KIFC2: variants seen among roughly 807,000 people sequenced by gnomAD.
KIFC2 encodes kinesin-like protein KIFC2.
In KIFC2, 94 loss-of-function variants were observed where a neutral mutation model predicts 91.5. The ratio of observed to expected loss-of-function variants is 1.03; its 90% CI spans 0.87 to 1.22. The LOEUF (loss-of-function observed/expected upper bound fraction) is 1.22. Among genes scored for constraint, KIFC2 ranks in the 50% most tolerant of loss-of-function variants. The pLI is 0.00. For missense variants in KIFC2, 1,357 were observed against 1,103.3 expected (o/e 1.23, Z -3.26); for synonymous variants, 729 against 503.9 (o/e 1.45, Z -5.98).
chr8:144,471,721 C>T (rs759896647), intron 12 of KIFC2, among the ~76,000 whole-genome samples: 6 of 152,140 alleles, frequency 3.9e-5, no homozygotes, highest in Non-Finnish European at 7.3e-5. Context: ...CTCATTGTGT[C>T]TTTTCCCTTC....
intron 12 of KIFC2, among the ~76,000 whole-genome samples, chr8:144,470,894 A>G (rs1464966426): frequency 1.3e-5 from 2 of 152,236 alleles, no homozygotes; most frequent in African/African-American, 4.8e-5. Context: ...AGGCACAGGA[A>G]GGCCAATGAG....
At position 144,467,506 on chromosome 8, in the gene KIFC2, G is replaced by T; in HGVS notation, c.491G>T (p.Ser164Ile). ...CCAGGATCCACATCCCAAGAAGAAA[G>T]CCCTTCCCACTTCACCGCAGTCCCA... ...SPDGSTSQEE[S>I]PSHFTAVPGE... The change falls in exon 5 of 18, where the codon AGC becomes ATC. Residue 164 changes from serine (S) to isoleucine (I), a missense_variant. Ser to Ile is a moderately radical substitution (Grantham distance 142). Transcript: ENST00000645548. 6 of 1,583,008 alleles carry T rather than the reference G, an allele frequency of 3.8e-6. No homozygotes were observed. The highest frequency in any genetic ancestry group is 5.1e-6 in the Non-Finnish European group (6 of 1,166,714).
At position 144,472,854 on chromosome 8, in the gene KIFC2, GGCCCGCCGCGGGGAGACCCAGACGGC is replaced by G. The variant is rs1554886129; in HGVS notation, c.1927_1952del (p.Pro643AlafsTer196). 6.5e-7 allele frequency: 1 copy of G among 1,547,006 alleles called. No homozygotes were observed. Among genetic ancestry groups the G allele is most frequent in the Non-Finnish European group, 8.6e-7 (1 of 1,159,288 alleles). ...ACGCGCACGGAAGGCAGGGGCGGCC[GGCCCGCCGCGGGGAGACCCAGACGGC>G]GCCCGGCGCCTGCGGGAGGCCCAGA... On this transcript the variant is annotated frameshift_variant, in exon 17 of 18. Coordinates refer to ENST00000645548, the MANE Select transcript of KIFC2 (RefSeq NM_001369769.2). LOFTEE classifies it high-confidence loss of function.
rs1350621088 is a variant in KIFC2, at chr8:144,466,847, G to A, written c.178+9G>A. 5 of 1,536,656 alleles carry A rather than the reference G, an allele frequency of 3.3e-6. No homozygotes were observed. Among genetic ancestry groups the A allele is most frequent in the East Asian group, 4.9e-5 (2 of 41,124 alleles). ...GCTGACCGGCCTGGCCGGTAGGTGC[G>A]GGCTGGGAGTCCCGCGGTGCGAGGG... On this transcript the variant is annotated intron_variant, in intron 2 of 17. Transcript: ENST00000645548.
chr8:144,472,387 AGC>A lies in KIFC2; in HGVS notation c.1637_1638del (p.Arg546ProfsTer301), dbSNP rs779828021. 6.2e-7 allele frequency: 1 copy of A among 1,613,264 alleles called. No homozygotes were observed. Among genetic ancestry groups the A allele is most frequent in the Non-Finnish European group, 8.5e-7 (1 of 1,179,934 alleles). ...GACCTCCTTGCTCCAGGGCCTCCCG[AGC>A]GCCTGGCCGTGAGGCAGGGCCCAGA... On this transcript the variant is annotated frameshift_variant, in exon 15 of 18. Transcript: ENST00000645548. LOFTEE classifies it high-confidence loss of function.
At position 144,468,377 on chromosome 8, in the gene KIFC2, C is replaced by G. The variant is rs1430866947; in HGVS notation, c.859C>G (p.Gln287Glu). The G allele has an allele frequency of 1.2e-6, 2 of 1,613,016 alleles. No homozygotes were observed. The highest frequency in any genetic ancestry group is 1.3e-5 in the African/African-American group (1 of 75,038). ...GCTCCAGGGCCGGCTTCAGGAGGCC[C>G]AAGACACCACAGAAGCCCTCCGAGC... Reference protein sequence around the residue: ...LELQGRLQEAQDTTEALRAQL... With the variant: ...LELQGRLQEAEDTTEALRAQL... Residue 287 changes from glutamine (Q) to glutamate (E), a missense_variant, in exon 8 of 18, where the codon CAA becomes GAA. Coordinates refer to ENST00000645548, the MANE Select transcript of KIFC2 (RefSeq NM_001369769.2).
chr8:144,468,867 C>T lies in KIFC2; in HGVS notation c.1113+33C>T, dbSNP rs2620674. 6.7e-3 allele frequency: 10,402 copies of T among 1,553,766 alleles called. 472 individuals carry two copies. The African/African-American group carries it at 0.11, about 16-fold the overall frequency. ...CCCCTCCCCGCCTAGCCCCTCCTCT[C>T]TGGGCAGCCTATTCACTGTTCTTTT... On this transcript the variant is annotated intron_variant, in intron 10 of 17. Transcript: ENST00000645548.
chr8:144,469,155 T>G lies in KIFC2; in HGVS notation c.1114-116T>G, dbSNP rs1824821296. The stretch of plus-strand genomic sequence containing the variant: ...GCCCAGAGCCACTGAAAGTTGTGGC[T>G]TAGCACAGCTGAGCGGGCCTGTGGG... On this transcript the variant is annotated intron_variant, in intron 10 of 17. Transcript: ENST00000645548. 48 of 852,652 alleles carry G rather than the reference T, an allele frequency of 5.6e-5. No individual in the cohort carries two copies. In the South Asian group the frequency reaches 7.0e-4, roughly 12 times the overall value. 52.8% of individuals were successfully genotyped at this position (852,652 alleles called of 1,614,324 possible). A position where few individuals can be genotyped will look rare whatever the true frequency, so the allele number is the denominator to read the frequency against.
At chr8:144,467,133 C>CA in intron 3 of KIFC2, 23 bp downstream of exon 3, 1 of 1,609,690 alleles carries the variant, frequency 6.2e-7, no homozygotes, top group Non-Finnish European at 8.5e-7. Context: ...GAGGGGGCTG[C>CA]TGGCAGGTAC....
rs1051928413 is a variant in KIFC2, at chr8:144,469,187, C to T, written c.1114-84C>T. On this transcript the variant is annotated intron_variant, in intron 10 of 17. Transcript: ENST00000645548. ...AGCTGAGCGGGCCTGTGGGGGCTCCCTGCTGCTCTCAGGACCCTCCCACCC... is the reference window on the plus strand; with the variant it reads ...AGCTGAGCGGGCCTGTGGGGGCTCCTTGCTGCTCTCAGGACCCTCCCACCC... 34 of 1,169,144 alleles carry T rather than the reference C, an allele frequency of 2.9e-5. No individual in the cohort carries two copies. In the East Asian group the frequency reaches 5.1e-4, roughly 18 times the overall value. The allele number at this position is 1,169,144 out of a possible 1,614,324, so 72.4% of individuals were successfully genotyped here. A position where few individuals can be genotyped will look rare whatever the true frequency, so the allele number is the denominator to read the frequency against.
intron 12 of KIFC2, 97 bp downstream of exon 12, chr8:144,469,744 C>G: frequency 7.0e-7 from 1 of 1,423,984 alleles, no homozygotes; most frequent in Non-Finnish European, 9.4e-7. Context: ...GGGTGTCCAC[C>G]TGGAGGAGAG....
At chr8:144,470,011 T>C (rs775321906) in intron 12 of KIFC2, among the ~76,000 whole-genome samples, 1 of 152,196 alleles carries the variant, frequency 6.6e-6, no homozygotes. Context: ...TGGATCCCAC[T>C]CTCCTTCCCC....
In KIFC2 at chr8:144,466,461, C is replaced by A. The variant is rs1401787799; in HGVS notation, c.42C>A (p.Ser14Arg). ...FYSLLIYIFYSLFRRDGGAAA... is the reference protein window; with the variant it reads ...FYSLLIYIFYRLFRRDGGAAA... Reference sequence around the variant, plus strand: ...CGTTGCTCATCTACATCTTCTACAGCCTCTTCCGCAGGGATGGTGGCGCCG... The same window carrying A: ...CGTTGCTCATCTACATCTTCTACAGACTCTTCCGCAGGGATGGTGGCGCCG... The change falls in exon 1 of 18, where the codon AGC (serine) becomes AGA (arginine). Residue 14 changes from serine (S) to arginine (R), a missense_variant. Physicochemically the swap from Ser to Arg is moderately radical, Grantham distance 110. Transcript: ENST00000645548. 1.5e-6 allele frequency: 2 copies of A among 1,362,202 alleles called. No individual in the cohort carries two copies. The highest frequency in any genetic ancestry group is 1.5e-5 in the African/African-American group (1 of 65,504). The allele number at this position is 1,362,202 out of a possible 1,614,324, so 84.4% of individuals were successfully genotyped here.
intron 12 of KIFC2, among the ~76,000 whole-genome samples, chr8:144,471,049 C>T (rs555961886): frequency 1.3e-5 from 2 of 151,020 alleles, no homozygotes; most frequent in East Asian, 2.0e-4. Flanking sequence ...CTGCAACCTC[C>T]GCCTCCTGGG....
Position 144,472,953 on chromosome 8 carries a change from C to A in KIFC2, c.2020C>A (p.Arg674=), listed in dbSNP as rs1182113521. Residue 674 remains arginine (R), a synonymous_variant, in exon 17 of 18, where the codon CGG becomes AGG. Coordinates refer to ENST00000645548, the MANE Select transcript of KIFC2 (RefSeq NM_001369769.2). ...LALGGVMAAL[R]AHRPHVPFRD... Reference sequence around the variant, plus strand: ...GCTAGGAGGCGTGATGGCCGCACTGCGGGCCCACCGGCCGCACGTGCCCTT... The same window carrying A: ...GCTAGGAGGCGTGATGGCCGCACTGAGGGCCCACCGGCCGCACGTGCCCTT... The A allele has an allele frequency of 6.8e-7, 1 of 1,468,402 alleles. No homozygotes were observed. The highest frequency in any genetic ancestry group is 8.9e-7 in the Non-Finnish European group (1 of 1,118,538). 91.0% of individuals were successfully genotyped at this position (1,468,402 alleles called of 1,614,324 possible). A position where few individuals can be genotyped will look rare whatever the true frequency, so the allele number is the denominator to read the frequency against.
intron 1 of KIFC2, 106 bp from the exon 2 acceptor site, chr8:144,466,654 C>A: frequency 9.5e-7 from 1 of 1,055,834 alleles, no homozygotes; most frequent in Non-Finnish European, 1.3e-6. Flanking sequence ...GGCCCCGATG[C>A]TGGAAGCGTA....
chr8:144,472,303 A>C lies in KIFC2; in HGVS notation c.1607+44A>C, dbSNP rs527743014. ...GAGGCCTTCTCCCCACCCCTGGCCCAGGGCCCTTCCGGATTTCCAGAGAAT... is the reference window on the plus strand; with the variant it reads ...GAGGCCTTCTCCCCACCCCTGGCCCCGGGCCCTTCCGGATTTCCAGAGAAT... On this transcript the variant is annotated intron_variant, in intron 14 of 17. Coordinates refer to ENST00000645548, the MANE Select transcript of KIFC2 (RefSeq NM_001369769.2). The C allele has an allele frequency of 5.0e-6, 8 of 1,613,420 alleles. No individual in the cohort carries two copies. The South Asian group carries it at 7.7e-5, about 15-fold the overall frequency.
rs1020660398 is a variant in KIFC2 at position 144,473,290 on chromosome 8, C to T, written c.2277C>T (p.Thr759=). ...SLSTDTPLTG[T]PCTPTPSPGS... ...GCACCGACACTCCGCTCACCGGGAC[C>T]CCCTGCACCCCTACGCCGTCCCCTG... Residue 759 remains threonine, a synonymous_variant, in exon 18 of 18, where the codon ACC becomes ACT. Coordinates refer to ENST00000645548, the MANE Select transcript of KIFC2 (RefSeq NM_001369769.2). The T allele has an allele frequency of 2.4e-5, 39 of 1,605,690 alleles. No homozygotes were observed. The highest frequency in any genetic ancestry group is 3.0e-5 in the Non-Finnish European group (35 of 1,177,208).
intron 12 of KIFC2, among the ~76,000 whole-genome samples, chr8:144,471,070 TCTC>T (rs1824904846): frequency 6.6e-6 from 1 of 151,904 alleles, no homozygotes; most frequent in South Asian, 2.1e-4. Context: ...TTCAAGCAAT[TCTC>T]CTGCTTCAGC....
Sources: gnomAD v4.1 joint callset for allele counts (sites outside exome capture counted in the v4.1 genomes callset) on GRCh38, gnomAD v4.1.1 for gene constraint, MANE v1.5 for transcripts, NCBI Gene and HGNC (gene_info 2026-07-23, HGNC 2026-07-21) for gene names.